The following ERI1 variants were observed in gnomAD, a reference collection of about 807,000 sequenced individuals.
ERI1 encodes 3'-5' exoribonuclease 1.
Under a neutral mutation model 39.7 loss-of-function variants are expected in ERI1, and 39 were observed. The observed-to-expected ratio is 0.98, with a 90% CI of 0.76 to 1.28. The LOEUF (loss-of-function observed/expected upper bound fraction) is 1.28, where lower values mean the gene tolerates loss of function less well. Among genes scored for constraint, ERI1 ranks in the 50% most tolerant of loss-of-function variants. The pLI is 0.00. For synonymous variants in ERI1, 204 were observed against 149.6 expected (o/e 1.36, Z -2.65); for missense variants, 581 against 416.9 (o/e 1.39, Z -3.43).
At chr8:9,091,129 C>G (rs1190353026) in intron 3 of ERI1, 1 of 152,116 alleles carries the variant, frequency 6.6e-6, no homozygotes, top group Non-Finnish European at 1.5e-5. Context: ...GTTAATTTTT[C>G]AAGAACACCC....
rs925770292 is a variant in ERI1 at position 9,087,430 on chromosome 8, TTTTTTG to T, written n.300-28917_300-28912del. Among the ~76,000 whole-genome samples, 26 of 48,720 alleles carry T rather than the reference TTTTTTG, an allele frequency of 5.3e-4. No homozygotes were observed. In the South Asian group the frequency reaches 9.2e-3, roughly 17 times the overall value. 32.0% of individuals were successfully genotyped at this position (48,720 alleles called of 152,430 possible). On this transcript the variant is annotated intron_variant and non_coding_transcript_variant, in intron 3 of 3. Transcript: ENST00000518663. The stretch of plus-strand genomic sequence containing the variant: ...TGTGGCTATTTTTTTTTTTTTTTTT[TTTTTTG>T]ATTTTTAGTAGAGACAGGGTTTCAA...
chr8:9,076,617 T>C (rs192968637), intron 3 of ERI1, among the ~76,000 whole-genome samples: 77 of 152,334 alleles, frequency 5.1e-4, no homozygotes, highest in African/African-American at 1.7e-3. Flanking sequence ...AAATTATCCA[T>C]TGCCTTTGGT....
At chr8:9,058,335 A>G (rs1798580140) in intron 3 of ERI1, among the ~76,000 whole-genome samples, 1 of 152,192 alleles carries the variant, frequency 6.6e-6, no homozygotes, top group South Asian at 2.1e-4. Flanking sequence ...TATGTGCCCC[A>G]TGGTCCCTTA....
At chr8:9,044,110 G>A (rs1049118013) in intron 3 of ERI1, among the ~76,000 whole-genome samples, 2 of 152,118 alleles carry the variant, frequency 1.3e-5, no homozygotes, top group Non-Finnish European at 2.9e-5. Context: ...GGTTGTTGTC[G>A]GAGTTAAATA....
At chr8:9,045,022 G>A (rs996829506) in intron 3 of ERI1, among the ~76,000 whole-genome samples, 3 of 152,012 alleles carry the variant, frequency 2.0e-5, no homozygotes, top group African/African-American at 7.3e-5. Flanking sequence ...CGGATCACGA[G>A]GTCAGGAGAT....
intron 6 of ERI1, among the ~76,000 whole-genome samples, chr8:9,021,207 C>T (rs1267671241): frequency 2.0e-5 from 3 of 152,136 alleles, no homozygotes; most frequent in Non-Finnish European, 4.4e-5. Context: ...TTACTTATCC[C>T]CTTACTCTCC....
intron 3 of ERI1, chr8:9,072,638 A>AT (rs1168451749): frequency 6.6e-6 from 1 of 152,104 alleles, no homozygotes; most frequent in Non-Finnish European, 1.5e-5. Context: ...AAAAAAAAAA[A>AT]ATCTTTGAAG....
chr8:9,090,220 C>T (rs1302470986), intron 3 of ERI1, among the ~76,000 whole-genome samples: 1 of 151,858 alleles, frequency 6.6e-6, no homozygotes, highest in African/African-American at 2.4e-5. Flanking sequence ...TCTTCCTCCT[C>T]CTGATATGCT....
intron 3 of ERI1, among the ~76,000 whole-genome samples, chr8:9,080,356 C>T (rs1264179146): frequency 6.6e-6 from 1 of 152,206 alleles, no homozygotes; most frequent in Non-Finnish European, 1.5e-5. Context: ...TGTCCATGTT[C>T]ATGTGATGTC....
chr8:9,077,257 A>C (rs748764693), intron 3 of ERI1, among the ~76,000 whole-genome samples: 2 of 152,178 alleles, frequency 1.3e-5, no homozygotes, highest in African/African-American at 2.4e-5. Context: ...TTCCCTGCTT[A>C]ATTCCCTGCC....
intron 2 of ERI1, among the ~76,000 whole-genome samples, chr8:9,010,285 CT>C (rs797004163): frequency 9.3e-4 from 142 of 152,246 alleles, no homozygotes; most frequent in Middle Eastern, 3.4e-3. Flanking sequence ...GTCTCTCCCC[CT>C]ATCACACCTC....
chr8:9,081,189 C>T (rs1170807261), intron 3 of ERI1, among the ~76,000 whole-genome samples: 4 of 152,130 alleles, frequency 2.6e-5, no homozygotes, highest in Non-Finnish European at 5.9e-5. Context: ...AGGAAACCAC[C>T]CATGTGATCC....
Position 9,016,373 on chromosome 8 carries a change from G to T in ERI1, c.550G>T (p.Asp184Tyr). Residue 184 changes from aspartate (D) to tyrosine (Y), a missense_variant, in exon 4 of 7, where the codon GAT becomes TAT. Coordinates refer to ENST00000250263, the MANE Select transcript of ERI1 (RefSeq NM_153332.4). ...ACCAGAGATTAACACACAGCTGTCTGATTTCTGCATCAGTCTAACTGGAAT... is the reference window on the plus strand; with the variant it reads ...ACCAGAGATTAACACACAGCTGTCTTATTTCTGCATCAGTCTAACTGGAAT... ...VRPEINTQLS[D>Y]FCISLTGITQ... 2 of 1,607,272 alleles carry T rather than the reference G, an allele frequency of 1.2e-6. No individual in the cohort carries two copies. The highest frequency in any genetic ancestry group is 1.7e-6 in the Non-Finnish European group (2 of 1,176,376).
Position 9,072,968 on chromosome 8 carries a change from G to C in ERI1, n.300-43380G>C, listed in dbSNP as rs192445325. On this transcript the variant is annotated intron_variant and non_coding_transcript_variant, in intron 3 of 3. Coordinates refer to the ERI1 transcript ENST00000518663. ...CTCTGAAATACAAAAACATTTTGTG[G>C]TCTAGCTGCTCACTGTATTTTCACT... Among the ~76,000 whole-genome samples, 184 of 152,326 alleles carry C rather than the reference G, an allele frequency of 1.2e-3. 2 individuals are homozygous for C. Among genetic ancestry groups the C allele is most frequent in the East Asian group, 3.9e-4 (2 of 5,186 alleles).
chr8:9,021,782 T>TG (rs1387401641), intron 6 of ERI1, among the ~76,000 whole-genome samples: 1 of 136,240 alleles, frequency 7.3e-6, no homozygotes, highest in Non-Finnish European at 1.6e-5. Flanking sequence ...TTGTTTTTTT[T>TG]TTTTTTTCAA....
At chr8:9,065,190 C>T (rs1304131466) in intron 3 of ERI1, among the ~76,000 whole-genome samples, 1 of 152,164 alleles carries the variant, frequency 6.6e-6, no homozygotes, top group Admixed American at 6.5e-5. Flanking sequence ...GCTCAGAGGC[C>T]TGACACCAAC....
intron 3 of ERI1, among the ~76,000 whole-genome samples, chr8:9,054,367 CT>C (rs1362897820): frequency 6.6e-6 from 1 of 152,154 alleles, no homozygotes; most frequent in African/African-American, 2.4e-5. Flanking sequence ...CATTTCTTCT[CT>C]TTTTTATACT....
At chr8:9,039,728 G>A (rs1259473076) in intron 3 of ERI1, among the ~76,000 whole-genome samples, 2 of 152,038 alleles carry the variant, frequency 1.3e-5, no homozygotes, top group South Asian at 2.1e-4. Flanking sequence ...CTAGGATTAC[G>A]CTTTTCCTAT....
chr8:9,028,515 T>G (rs1797344824), intron 6 of ERI1, among the ~76,000 whole-genome samples: 1 of 152,216 alleles, frequency 6.6e-6, no homozygotes, highest in Middle Eastern at 3.2e-3. Flanking sequence ...TTAGTCCCAT[T>G]TTACGGATGA....
Sources: allele counts gnomAD v4.1 joint callset (sites outside exome capture counted in the v4.1 genomes callset), GRCh38; gene constraint gnomAD v4.1.1; transcripts MANE v1.5; gene names NCBI Gene and HGNC (gene_info 2026-07-23, HGNC 2026-07-21).